The following UBR4 variants were observed in gnomAD, a reference collection of about 807,000 sequenced individuals.
UBR4 encodes E3 ubiquitin-protein ligase UBR4.
UBR4 carries 124 observed loss-of-function variants against 575.6 expected under a neutral mutation model. The observed-to-expected ratio is 0.22, with a 90% CI of 0.19 to 0.25. UBR4 has a LOEUF of 0.25. UBR4 is among the 10% of genes least tolerant of loss of function. The pLI is 1.00. For synonymous variants in UBR4, 2,455 were observed against 2,473.7 expected (o/e 0.99, Z 0.22); for missense variants, 4,818 against 6,478.8 (o/e 0.74, Z 8.80).
At chr1:19,148,436 C>A in intron 50 of UBR4, 127 bp downstream of exon 50, 1 of 1,260,338 alleles carries the variant, frequency 7.9e-7, no homozygotes, top group Non-Finnish European at 1.1e-6. Context: ...TTCTCTGGAG[C>A]TTCTTAGCAA....
chr1:19,092,940 A>C, intron 96 of UBR4, 22 bp from the exon 97 acceptor site: 1 of 1,607,118 alleles, frequency 6.2e-7, no homozygotes. Flanking sequence ...AGGAAGGCTT[A>C]TTAGCAGGCC....
At position 19,153,192 on chromosome 1, in the gene UBR4, G is replaced by T; in HGVS notation, c.6832+109C>A. ...GAAATTAACTTTACAAAATGTGCAAGTAGGACAGTCACATTTCTTCACAGA... is the reference window on the plus strand; with the variant it reads ...GAAATTAACTTTACAAAATGTGCAATTAGGACAGTCACATTTCTTCACAGA... On this transcript the variant is annotated intron_variant, in intron 46 of 105. Coordinates refer to ENST00000375254, the MANE Select transcript of UBR4 (RefSeq NM_020765.3). This position sits in a 1 kb window ranked among gnomAD's most constrained non-coding sequence, Gnocchi z 4.1. The T allele has an allele frequency of 7.9e-7, 1 of 1,268,154 alleles. No individual in the cohort carries two copies. Among genetic ancestry groups the T allele is most frequent in the Non-Finnish European group, 1.1e-6 (1 of 896,368 alleles). 78.6% of individuals were successfully genotyped at this position (1,268,154 alleles called of 1,614,324 possible). A position where few individuals can be genotyped will look rare whatever the true frequency, so the allele number is the denominator to read the frequency against.
intron 52 of UBR4, among the ~76,000 whole-genome samples, 187 bp downstream of exon 52, chr1:19,146,639 A>G (rs1478421374): frequency 6.6e-6 from 1 of 152,228 alleles, no homozygotes; most frequent in East Asian, 1.9e-4. Flanking sequence ...TAAGCACTGG[A>G]AAAAGAATGT....
At chr1:19,176,936 C>T (rs1571489720) in intron 19 of UBR4, among the ~76,000 whole-genome samples, 2 of 152,186 alleles carry the variant, frequency 1.3e-5, no homozygotes, top group East Asian at 1.9e-4. Context: ...AACTCACAAA[C>T]CAAAATAAAA....
At chr1:19,092,763 T>A (rs745683104) in intron 97 of UBR4, 56 bp downstream of exon 97, 5 of 1,412,990 alleles carry the variant, frequency 3.5e-6, no homozygotes, top group Non-Finnish European at 4.9e-6. Context: ...CAAGGTAAAC[T>A]AGGGTAGTTA....
chr1:19,124,476 C>A, intron 65 of UBR4, 65 bp downstream of exon 65: 1 of 1,579,058 alleles, frequency 6.3e-7, no homozygotes, highest in South Asian at 1.2e-5. Flanking sequence ...AAGAAAGGGG[C>A]CCACAGAGGT....
chr1:19,112,794 C>G lies in UBR4; in HGVS notation c.11531G>C (p.Arg3844Pro). ...QQREAATKSSRTSVQPTFTAS... is the reference protein window; with the variant it reads ...QQREAATKSSPTSVQPTFTAS... Reference sequence around the variant, plus strand: ...AGTGAATGTGGGCTGCACGGAGGTCCGGGATGATTTAGTGGCTGCTTCCCT... The same window carrying G: ...AGTGAATGTGGGCTGCACGGAGGTCGGGGATGATTTAGTGGCTGCTTCCCT... The change falls in exon 78 of 106, where the codon CGG becomes CCG. Residue 3844 changes from arginine to proline, a missense_variant. Arg to Pro is a moderately radical substitution (Grantham distance 103). Transcript: ENST00000375254. 2 of 1,614,126 alleles carry G rather than the reference C, an allele frequency of 1.2e-6. No homozygotes were observed. Among genetic ancestry groups the G allele is most frequent in the Non-Finnish European group, 1.7e-6 (2 of 1,179,994 alleles).
chr1:19,138,388 A>G (rs2083431554), intron 59 of UBR4, among the ~76,000 whole-genome samples: 1 of 152,202 alleles, frequency 6.6e-6, no homozygotes, highest in African/African-American at 2.4e-5. Context: ...CTTCCCCAGT[A>G]TGTAAGACCC....
chr1:19,087,445 T>C (rs2077126702), intron 99 of UBR4, among the ~76,000 whole-genome samples: 1 of 152,206 alleles, frequency 6.6e-6, no homozygotes, highest in Non-Finnish European at 1.5e-5. Context: ...AGGTCTGGAG[T>C]CTGAGAAGCC....
chr1:19,101,118 A>G (rs938068157), intron 88 of UBR4, among the ~76,000 whole-genome samples: 6 of 152,206 alleles, frequency 3.9e-5, no homozygotes, highest in African/African-American at 1.4e-4. Context: ...GGCTAGGGAA[A>G]AAAACACACG....
chr1:19,138,092 T>C lies in UBR4; in HGVS notation c.8821A>G (p.Ser2941Gly). 2 of 1,599,104 alleles carry C rather than the reference T, an allele frequency of 1.3e-6. No individual in the cohort carries two copies. Among genetic ancestry groups the C allele is most frequent in the African/African-American group, 1.3e-5 (1 of 74,734 alleles). The change falls in exon 60 of 106, where the codon AGC (serine) becomes GGC (glycine). Residue 2941 changes from serine (S) to glycine (G), a missense_variant. Around this residue, in one of 29 missense-constraint regions of UBR4, gnomAD observed 57 missense variants for 101.5 expected, o/e 0.56. Transcript: ENST00000375254. Reference sequence around the variant, plus strand: ...CCCTCCTGGTGCCCAGTGGTGGTGCTGATGGCTCCAGTGCTTGAGCTGACA... The same window carrying C: ...CCCTCCTGGTGCCCAGTGGTGGTGCCGATGGCTCCAGTGCTTGAGCTGACA... The part of the protein sequence containing the change: ...GSVSSSTGAI[S>G]TTTGHQEGDG...
At position 19,120,217 on chromosome 1, in the gene UBR4, G is replaced by A. The variant is rs775894038; in HGVS notation, c.10273C>T (p.Arg3425Cys). The stretch of plus-strand genomic sequence containing the variant: ...AGTGTCAGACAGTGGGCCTGCCAGC[G>A]CACCGAGGAAGAATTGGACTCTAAC... The part of the protein sequence containing the change: ...FLLESNSSSV[R>C]WQAHCLTLHI... The change falls in exon 69 of 106, where the codon CGC (arginine) becomes TGC (cysteine). Residue 3425 changes from arginine (R) to cysteine (C), a missense_variant. Arg to Cys is a radical substitution (Grantham distance 180). Around this residue, in one of 29 missense-constraint regions of UBR4, gnomAD observed 550 missense variants for 791.5 expected, o/e 0.69. Transcript: ENST00000375254. 14 of 1,614,006 alleles carry A rather than the reference G, an allele frequency of 8.7e-6. No individual in the cohort carries two copies. Among genetic ancestry groups the A allele is most frequent in the South Asian group, 2.2e-5 (2 of 91,086 alleles).
intron 17 of UBR4, among the ~76,000 whole-genome samples, chr1:19,180,360 T>C (rs1282319334): frequency 6.6e-6 from 1 of 152,056 alleles, no homozygotes; most frequent in Non-Finnish European, 1.5e-5. Context: ...GGCTAATTTT[T>C]TTATTTTTAG....
At chr1:19,171,745 A>T (rs1175590702) in intron 25 of UBR4, among the ~76,000 whole-genome samples, 2 of 152,170 alleles carry the variant, frequency 1.3e-5, no homozygotes, top group African/African-American at 4.8e-5. Context: ...GCCACTCGGG[A>T]AACTGAGGAG....
At position 19,204,533 on chromosome 1, in the gene UBR4, A is replaced by ATAT. The variant is rs200363179; in HGVS notation, c.177-2719_177-2718insATA. On this transcript the variant is annotated intron_variant, in intron 1 of 105. Coordinates refer to ENST00000375254, the MANE Select transcript of UBR4 (RefSeq NM_020765.3). The stretch of plus-strand genomic sequence containing the variant: ...ATTCTGATAATGAAATATATAAAAA[A>ATAT]AAATATATATATATATAGGAGTAAA... Among the ~76,000 whole-genome samples, 268 of 150,768 alleles carry ATAT rather than the reference A, an allele frequency of 1.8e-3. 2 individuals carry two copies. Among genetic ancestry groups the ATAT allele is most frequent in the African/African-American group, 6.2e-3 (254 of 41,292 alleles).
At chr1:19,147,110 G>A in intron 51 of UBR4, 110 bp from the exon 52 acceptor site, 1 of 1,252,502 alleles carries the variant, frequency 8.0e-7, no homozygotes, top group Non-Finnish European at 1.1e-6. Context: ...CCTCTCAAGA[G>A]AACAGGCCAA....
intron 98 of UBR4, 48 bp from the exon 99 acceptor site, chr1:19,087,977 C>T: frequency 6.8e-7 from 1 of 1,461,570 alleles, no homozygotes. Context: ...CACACACCCT[C>T]TCCCACCCTA....
At position 19,198,398 on chromosome 1, in the gene UBR4, T is replaced by A; in HGVS notation, c.648+143A>T. On this transcript the variant is annotated intron_variant, in intron 5 of 105. Coordinates refer to ENST00000375254, the MANE Select transcript of UBR4 (RefSeq NM_020765.3). ...GTTGGGGTGAATTTTACTTGTTTTA[T>A]TTTGTATTCCTCAATTTCTTTTGTC... is the stretch of plus-strand genomic sequence containing the variant. 3 of 1,213,362 alleles carry A rather than the reference T, an allele frequency of 2.5e-6. No homozygotes were observed. The South Asian group carries it at 5.0e-5, about 20-fold the overall frequency. The allele number at this position is 1,213,362 out of a possible 1,614,324, so 75.2% of individuals were successfully genotyped here. A position where few individuals can be genotyped will look rare whatever the true frequency, so the allele number is the denominator to read the frequency against.
Position 19,084,565 on chromosome 1 carries a change from G to A in UBR4, c.14947C>T (p.Arg4983Trp). Reference sequence around the variant, plus strand: ...GGGATCAGGTGGATGTTGCTCTCCCGGCCGCCCCCGCCAGTGTCTGCGCTG... The same window carrying A: ...GGGATCAGGTGGATGTTGCTCTCCCAGCCGCCCCCGCCAGTGTCTGCGCTG... ...SFSADTGGGG[R>W]ESNIHLIPYI... Residue 4983 changes from arginine to tryptophan, a missense_variant, in exon 102 of 106, where the codon CGG (arginine) becomes TGG (tryptophan). By Grantham distance (101) the Arg-to-Trp change is moderately radical. This residue lies in a region of UBR4 where 196 missense variants were observed against 386.8 expected (regional missense o/e 0.51). Transcript: ENST00000375254. 6.2e-7 allele frequency: 1 copy of A among 1,614,142 alleles called. No individual in the cohort carries two copies. Among genetic ancestry groups the A allele is most frequent in the Non-Finnish European group, 8.5e-7 (1 of 1,180,028 alleles).
Sources: gnomAD v4.1 joint callset for allele counts (sites outside exome capture counted in the v4.1 genomes callset) on GRCh38, gnomAD v4.1.1 for gene constraint, gnomAD v4.1.1 regional missense constraint, Gnocchi (gnomAD v3.1) non-coding constraint, MANE v1.5 for transcripts, NCBI Gene and HGNC (gene_info 2026-07-23, HGNC 2026-07-21) for gene names.